The following MRTFB variants were observed in gnomAD, a reference collection of about 807,000 sequenced individuals.
MRTFB encodes myocardin related transcription factor B, also known as myocardin-related transcription factor B.
A neutral mutation model predicts 104.2 loss-of-function variants in MRTFB; 29 were observed. That is an observed-to-expected ratio of 0.28 (90% CI 0.21 to 0.38). The LOEUF (loss-of-function observed/expected upper bound fraction) is 0.38, where lower values mean the gene tolerates loss of function less well. Ranked by LOEUF, MRTFB falls within the 10% of genes least tolerant of loss-of-function variation. The pLI is 1.00. For synonymous variants in MRTFB, 535 were observed against 519.5 expected (o/e 1.03, Z -0.41); for missense variants, 1,270 against 1,341.6 (o/e 0.95, Z 0.83).
At chr16:14,155,987 G>A (rs1010454530) in intron 3 of MRTFB, among the ~76,000 whole-genome samples, 1 of 152,090 alleles carries the variant, frequency 6.6e-6, no homozygotes, top group Non-Finnish European at 1.5e-5. Context: ...TCTCATCTCT[G>A]TCTCCTCAGT....
chr16:14,095,646 C>T (rs1192682451), intron 2 of MRTFB, among the ~76,000 whole-genome samples: 1 of 152,198 alleles, frequency 6.6e-6, no homozygotes, highest in African/African-American at 2.4e-5. Context: ...AAAGTAAATA[C>T]TGGAAATGAA....
chr16:14,030,910 C>T, the MRTFB span, among the ~76,000 whole-genome samples: 1 of 152,094 alleles, frequency 6.6e-6, no homozygotes, highest in East Asian at 1.9e-4. Context: ...AGGAGACTCC[C>T]TAGAAGTGAT....
chr16:14,229,986 G>A (rs888399906), intron 8 of MRTFB, among the ~76,000 whole-genome samples: 4 of 151,910 alleles, frequency 2.6e-5, no homozygotes, highest in African/African-American at 9.7e-5. Flanking sequence ...TTAGGTCTCG[G>A]CAGCAATTTA....
At chr16:14,046,447 G>A in the MRTFB span, among the ~76,000 whole-genome samples, 1 of 152,140 alleles carries the variant, frequency 6.6e-6, no homozygotes, top group Non-Finnish European at 1.5e-5. Context: ...ATTGACCTCT[G>A]AGTGGCTTTC....
chr16:14,056,167 C>G, the MRTFB span, among the ~76,000 whole-genome samples: 1 of 151,976 alleles, frequency 6.6e-6, no homozygotes, highest in African/African-American at 2.4e-5. Flanking sequence ...TCAGTAGAGA[C>G]AGGGTTTCGT....
intron 1 of MRTFB, 25 bp from the exon 2 acceptor site, chr16:14,079,265 G>A: frequency 5.8e-6 from 2 of 346,434 alleles, no homozygotes; most frequent in East Asian, 3.8e-5. Flanking sequence ...TCAATAAAAA[G>A]TAATTTCTGC....
At chr16:14,001,684 G>A in the MRTFB span, among the ~76,000 whole-genome samples, 2 of 152,198 alleles carry the variant, frequency 1.3e-5, no homozygotes, top group East Asian at 1.9e-4. Context: ...GGGAAGAGAC[G>A]GGCTTCAAGC....
the MRTFB span, among the ~76,000 whole-genome samples, chr16:14,031,621 T>G: frequency 3.3e-5 from 5 of 152,270 alleles, no homozygotes; most frequent in Admixed American, 2.6e-4. Flanking sequence ...TATTTTGGTC[T>G]TTCTCCCAGC....
At chr16:14,204,462 G>C (rs1182352080) in intron 3 of MRTFB, among the ~76,000 whole-genome samples, 1 of 152,184 alleles carries the variant, frequency 6.6e-6, no homozygotes, top group Admixed American at 6.5e-5. Flanking sequence ...TGCTGGGAAT[G>C]ACATTTTCAG....
chr16:14,015,023 G>A, the MRTFB span, among the ~76,000 whole-genome samples: 3 of 152,124 alleles, frequency 2.0e-5, no homozygotes, highest in Admixed American at 6.5e-5. Flanking sequence ...GACAGTTATC[G>A]AGGCTAGCTA....
intron 1 of MRTFB, among the ~76,000 whole-genome samples, chr16:14,074,709 A>T (rs970087828): frequency 2.6e-5 from 4 of 152,198 alleles, no homozygotes; most frequent in Non-Finnish European, 4.4e-5. Flanking sequence ...TGAAACAATG[A>T]TTAATGATTA....
chr16:14,179,244 G>T (rs1371327177), intron 3 of MRTFB, among the ~76,000 whole-genome samples: 1 of 152,186 alleles, frequency 6.6e-6, no homozygotes, highest in Non-Finnish European at 1.5e-5. Flanking sequence ...TGTGATTGCT[G>T]CTTGACACCT....
chr16:14,200,214 A>G, intron 3 of MRTFB: 1 of 1,192,292 alleles, frequency 8.4e-7, no homozygotes, highest in Admixed American at 2.7e-5. Context: ...AATAGCAAAA[A>G]ACCTGGTAGC....
the MRTFB span, among the ~76,000 whole-genome samples, chr16:14,045,778 A>G: frequency 3.3e-5 from 5 of 152,206 alleles, no homozygotes; most frequent in African/African-American, 1.2e-4. Flanking sequence ...CTCTGTGTCC[A>G]TCAGGGCATA....
At chr16:14,003,719 G>C in the MRTFB span, among the ~76,000 whole-genome samples, 2 of 138,324 alleles carry the variant, frequency 1.4e-5, no homozygotes, top group Non-Finnish European at 3.1e-5. Flanking sequence ...TTCCCTCCCT[G>C]CCATGCTACA....
the MRTFB span, among the ~76,000 whole-genome samples, chr16:14,037,292 A>G: frequency 2.0e-5 from 3 of 152,226 alleles, no homozygotes; most frequent in East Asian, 1.9e-4. Flanking sequence ...CTGGCGCTCA[A>G]TAGATGGTAG....
chr16:14,260,780 T>C (rs2043741004), intron 16 of MRTFB, 129 bp from the exon 17 acceptor site: 1 of 738,252 alleles, frequency 1.4e-6, no homozygotes, highest in South Asian at 1.9e-5. Flanking sequence ...TAGCATTCTC[T>C]TCCTACTTCT....
At chr16:14,129,347 A>G (rs1408751104) in intron 2 of MRTFB, among the ~76,000 whole-genome samples, 1 of 152,174 alleles carries the variant, frequency 6.6e-6, no homozygotes, top group Non-Finnish European at 1.5e-5. Flanking sequence ...TACAGTCATC[A>G]CTTTTGAGTC....
At chr16:14,166,342 A>G (rs553131217) in intron 3 of MRTFB, among the ~76,000 whole-genome samples, 2 of 150,096 alleles carry the variant, frequency 1.3e-5, no homozygotes, top group Admixed American at 1.3e-4. Context: ...ACCTTTTTTT[A>G]TACTTCATTT....
Sources: gnomAD v4.1 joint callset for allele counts (sites outside exome capture counted in the v4.1 genomes callset) on GRCh38, gnomAD v4.1.1 for gene constraint, MANE v1.5 for transcripts, NCBI Gene and HGNC (gene_info 2026-07-23, HGNC 2026-07-21) for gene names.